CAMSAP1: variants seen among roughly 807,000 people sequenced by gnomAD.
CAMSAP1 encodes calmodulin-regulated spectrin-associated protein 1.
Under a neutral mutation model 143.5 loss-of-function variants are expected in CAMSAP1, and 58 were observed. The ratio of observed to expected loss-of-function variants is 0.40; its 90% confidence interval spans 0.33 to 0.50. The LOEUF is 0.50. Among genes scored for constraint, CAMSAP1 ranks in the 20% least tolerant of loss-of-function variants. CAMSAP1 has a pLI of 0.45. For synonymous variants in CAMSAP1, 945 were observed against 859.3 expected, an observed-to-expected ratio of 1.10 and a Z score of -1.74; for missense variants, 1,969 against 2,115.7, an observed-to-expected ratio of 0.93 and a Z score of 1.36.
chr9:135,859,364 T>C (rs1837091372), intron 5 of CAMSAP1, among the ~76,000 whole-genome samples: 1 of 152,202 alleles, frequency 6.6e-6, no homozygotes, highest in South Asian at 2.1e-4. Context: ...GCAATGTGGC[T>C]CTGTCCATTT....
intron 1 of CAMSAP1, among the ~76,000 whole-genome samples, chr9:135,900,418 G>C (rs941258078): frequency 2.0e-5 from 3 of 152,262 alleles, no homozygotes; most frequent in South Asian, 4.1e-4. Flanking sequence ...AGAGGGCCGG[G>C]CACGGTGGCT....
rs981775874 is a variant in CAMSAP1, at chr9:135,809,076, T to G, written c.*2233A>C. 6.6e-6 allele frequency: 1 copy of G among 152,188 alleles called. No individual in the cohort carries two copies. The highest frequency in any genetic ancestry group is 2.4e-5 in the African/African-American group (1 of 41,440). The allele number at this position is 152,188 out of a possible 1,614,324, so 9.4% of individuals were successfully genotyped here. On this transcript the variant is annotated 3_prime_UTR_variant, in exon 17 of 17. Coordinates refer to ENST00000389532, the MANE Select transcript of CAMSAP1 (RefSeq NM_015447.4). ...ATTGATAAACAGAGTTATAAGTCAG[T>G]GTTATCAACTGCAAAATCATGACTT...
chr9:135,830,378 G>A (rs757332033), intron 7 of CAMSAP1, among the ~76,000 whole-genome samples: 1 of 152,168 alleles, frequency 6.6e-6, no homozygotes, highest in Non-Finnish European at 1.5e-5. Flanking sequence ...GATATTCCAC[G>A]CATGCAAATG....
Position 135,815,230 on chromosome 9 carries a change from C to A in CAMSAP1, c.4388-15G>T. On this transcript the variant is annotated splice_polypyrimidine_tract_variant and intron_variant, in intron 15 of 16. Coordinates refer to ENST00000389532, the MANE Select transcript of CAMSAP1 (RefSeq NM_015447.4). The stretch of plus-strand genomic sequence containing the variant: ...GAGCTTGGGACCTAAGAAACGAGGC[C>A]AGGGTTGGTAAAATTATTATTTTAA... The A allele has an allele frequency of 6.4e-7, 1 of 1,555,560 alleles. No individual in the cohort carries two copies. Among genetic ancestry groups the A allele is most frequent in the Non-Finnish European group, 8.8e-7 (1 of 1,140,558 alleles).
chr9:135,842,585 C>G (rs1272312170), intron 7 of CAMSAP1, among the ~76,000 whole-genome samples: 1 of 152,112 alleles, frequency 6.6e-6, no homozygotes, highest in Non-Finnish European at 1.5e-5. Flanking sequence ...TAAGTGCAGC[C>G]AGAGAGAAAG....
intron 3 of CAMSAP1, among the ~76,000 whole-genome samples, chr9:135,879,820 A>C (rs1240857664): frequency 7.2e-5 from 11 of 151,962 alleles, no homozygotes; most frequent in Admixed American, 7.2e-4. Flanking sequence ...CTGAGATCAC[A>C]GAAGGGCCAC....
intron 11 of CAMSAP1, among the ~76,000 whole-genome samples, chr9:135,819,562 G>A (rs1835367213): frequency 6.6e-6 from 1 of 151,388 alleles, no homozygotes. Context: ...GGCTAGATGT[G>A]GTGGCTCACG....
Position 135,862,565 on chromosome 9 carries a change from T to G in CAMSAP1, c.710A>C (p.Tyr237Ser), listed in dbSNP as rs1331494774. Reference protein sequence around the residue: ...REHLSARQSPYFPLLEDLMRD... With the variant: ...REHLSARQSPSFPLLEDLMRD... Reference sequence around the variant, plus strand: ...CATCAAATCCTCCAACAACGGGAAGTAGGGTGACTGCCTAGCAGAAAGGTG... The same window carrying G: ...CATCAAATCCTCCAACAACGGGAAGGAGGGTGACTGCCTAGCAGAAAGGTG... The change falls in exon 5 of 17, where the codon TAC becomes TCC. Residue 237 changes from tyrosine to serine, a missense_variant. Transcript: ENST00000389532. 6.4e-7 allele frequency: 1 copy of G among 1,551,560 alleles called. No individual in the cohort carries two copies. Among genetic ancestry groups the G allele is most frequent in the Non-Finnish European group, 8.7e-7 (1 of 1,146,998 alleles).
At chr9:135,843,221 G>A (rs1397445343) in intron 7 of CAMSAP1, among the ~76,000 whole-genome samples, 2 of 152,144 alleles carry the variant, frequency 1.3e-5, no homozygotes, top group African/African-American at 4.8e-5. Context: ...CAGCTACTCG[G>A]GAGGCTGAGG....
intron 3 of CAMSAP1, among the ~76,000 whole-genome samples, chr9:135,881,404 T>C (rs1837944010): frequency 6.6e-6 from 1 of 151,782 alleles, no homozygotes; most frequent in Non-Finnish European, 1.5e-5. Context: ...CGACATGTGC[T>C]GCATTTTCAG....
At chr9:135,877,602 T>A (rs780387461) in intron 3 of CAMSAP1, among the ~76,000 whole-genome samples, 9 of 151,902 alleles carry the variant, frequency 5.9e-5, no homozygotes, top group Non-Finnish European at 1.3e-4. Flanking sequence ...GCCCAGTAAT[T>A]CAAAACTAGC....
chr9:135,863,183 A>G (rs775458026), intron 4 of CAMSAP1, among the ~76,000 whole-genome samples: 3 of 152,208 alleles, frequency 2.0e-5, no homozygotes, highest in Non-Finnish European at 2.9e-5. Context: ...TCAGGAGGCG[A>G]AATCCATGCA....
intron 7 of CAMSAP1, among the ~76,000 whole-genome samples, chr9:135,837,711 C>T (rs1028205908): frequency 3.4e-5 from 5 of 149,222 alleles, no homozygotes; most frequent in East Asian, 2.0e-4. Context: ...TCACCACGCA[C>T]GTTCTACAGA....
At chr9:135,879,998 T>G (rs752939695) in intron 3 of CAMSAP1, among the ~76,000 whole-genome samples, 29 of 151,948 alleles carry the variant, frequency 1.9e-4, no homozygotes, top group Admixed American at 2.6e-4. Flanking sequence ...CTATCAGAAT[T>G]TTTACCAAAA....
chr9:135,886,692 G>T (rs903789760), intron 1 of CAMSAP1, among the ~76,000 whole-genome samples: 1 of 152,178 alleles, frequency 6.6e-6, no homozygotes, highest in African/African-American at 2.4e-5. Context: ...GCCAGAGGAC[G>T]AGGAGATCCC....
intron 16 of CAMSAP1, among the ~76,000 whole-genome samples, chr9:135,812,225 G>C (rs763840476): frequency 1.4e-4 from 22 of 152,186 alleles, no homozygotes; most frequent in Non-Finnish European, 2.6e-4. Flanking sequence ...ATGCACATCT[G>C]TTCCCTATCA....
intron 1 of CAMSAP1, among the ~76,000 whole-genome samples, chr9:135,894,232 T>C (rs1035896175): frequency 1.3e-5 from 2 of 151,742 alleles, no homozygotes; most frequent in Non-Finnish European, 2.9e-5. Context: ...TCCCACAAAC[T>C]AGACACACCC....
intron 7 of CAMSAP1, among the ~76,000 whole-genome samples, chr9:135,846,174 A>G (rs1465730074): frequency 1.3e-5 from 2 of 152,062 alleles, no homozygotes; most frequent in South Asian, 2.1e-4. Flanking sequence ...TACTGGTACC[A>G]AAACAGATAT....
chr9:135,886,932 C>T (rs931694795), intron 1 of CAMSAP1, among the ~76,000 whole-genome samples: 1 of 152,174 alleles, frequency 6.6e-6, no homozygotes, highest in Admixed American at 6.5e-5. Flanking sequence ...TTTCCTAAGA[C>T]AGGAAACCAG....
Sources: gnomAD v4.1 joint callset for allele counts (sites outside exome capture counted in the v4.1 genomes callset) on GRCh38, gnomAD v4.1.1 for gene constraint, MANE v1.5 for transcripts, NCBI Gene and HGNC (gene_info 2026-07-23, HGNC 2026-07-21) for gene names.